PI4KA: variants seen among roughly 807,000 people sequenced by gnomAD.
PI4KA encodes the protein phosphatidylinositol 4-kinase alpha.
PI4KA carries 122 observed loss-of-function variants against 271.4 expected under a neutral mutation model. The ratio of observed to expected loss-of-function variants is 0.45; its 90% CI spans 0.39 to 0.52. The LOEUF is 0.52. Among genes scored for constraint, PI4KA ranks in the 20% least tolerant of loss-of-function variants. PI4KA has a pLI of 0.00. For missense variants in PI4KA, 1,969 were observed against 2,769.1 expected, an observed-to-expected ratio of 0.71 and a Z score of 6.48; for synonymous variants, 1,041 against 1,078.8, an observed-to-expected ratio of 0.96 and a Z score of 0.69.
At chr22:20,760,596 A>C (rs1931860605) in intron 23 of PI4KA, among the ~76,000 whole-genome samples, 1 of 152,194 alleles carries the variant, frequency 6.6e-6, no homozygotes, top group Non-Finnish European at 1.5e-5. Flanking sequence ...CACTCACGGG[A>C]CCACTACCCA....
chr22:20,709,454 TC>T, intron 53 of PI4KA, 75 bp from the exon 54 acceptor site: 1 of 754,836 alleles, frequency 1.3e-6, no homozygotes, highest in Non-Finnish European at 2.3e-6. Flanking sequence ...AGGAGGGTCT[TC>T]CATGGGGACG....
At chr22:20,843,989 T>C (rs1569095157) in intron 1 of PI4KA, among the ~76,000 whole-genome samples, 1 of 152,076 alleles carries the variant, frequency 6.6e-6, no homozygotes, top group Non-Finnish European at 1.5e-5. Context: ...ACCTGCCCTA[T>C]CTCCCCTATA....
chr22:20,727,735 G>A, intron 40 of PI4KA, 39 bp downstream of exon 40: 1 of 1,474,572 alleles, frequency 6.8e-7, no homozygotes, highest in Non-Finnish European at 9.5e-7. Context: ...GCTATTTTGT[G>A]CAGTTTGAAC....
intron 42 of PI4KA, among the ~76,000 whole-genome samples, chr22:20,722,311 C>A (rs1305156644): frequency 6.6e-6 from 1 of 152,086 alleles, no homozygotes; most frequent in African/African-American, 2.4e-5. Flanking sequence ...CTCAGCCTCC[C>A]GAGTAGCTGG....
chr22:20,720,722 C>T (rs1433021030), intron 43 of PI4KA, among the ~76,000 whole-genome samples: 2 of 152,120 alleles, frequency 1.3e-5, no homozygotes, highest in African/African-American at 2.4e-5. Flanking sequence ...AGAATCCAGC[C>T]GTCTTCTACA....
intron 36 of PI4KA, among the ~76,000 whole-genome samples, chr22:20,732,477 C>G (rs551057449): frequency 1.1e-4 from 17 of 152,240 alleles, no homozygotes; most frequent in Non-Finnish European, 2.5e-4. Flanking sequence ...TGCAGCCATT[C>G]AGACTCAGCT....
At chr22:20,709,872 C>A (rs756853266) in intron 53 of PI4KA, 36 bp downstream of exon 53, 1 of 1,117,676 alleles carries the variant, frequency 8.9e-7, no homozygotes. Flanking sequence ...GGACAACTGT[C>A]CCCCAGATGG....
At chr22:20,762,302 G>A (rs1365466573) in intron 22 of PI4KA, among the ~76,000 whole-genome samples, 6 of 152,166 alleles carry the variant, frequency 3.9e-5, no homozygotes, top group African/African-American at 1.4e-4. Flanking sequence ...GCATTCGAGT[G>A]TGCACGTGCA....
intron 19 of PI4KA, among the ~76,000 whole-genome samples, chr22:20,770,986 C>G (rs1385305961): frequency 6.6e-6 from 1 of 152,108 alleles, no homozygotes. Context: ...TCAAGACCAA[C>G]TTGGCCAACA....
chr22:20,760,626 C>A (rs1239085547), intron 23 of PI4KA, among the ~76,000 whole-genome samples: 1 of 152,192 alleles, frequency 6.6e-6, no homozygotes, highest in African/African-American at 2.4e-5. Context: ...GAGGACACTT[C>A]CATCAATCCA....
chr22:20,761,261 T>C (rs748595009), intron 23 of PI4KA, 43 bp downstream of exon 23: 8 of 1,157,602 alleles, frequency 6.9e-6, no homozygotes, highest in Non-Finnish European at 1.0e-5. Context: ...TTTACCCTAT[T>C]AAAGCTCAAT....
intron 7 of PI4KA, among the ~76,000 whole-genome samples, chr22:20,816,798 C>T (rs1249032703): frequency 3.3e-5 from 5 of 152,152 alleles, no homozygotes; most frequent in Admixed American, 2.0e-4. Flanking sequence ...TGGAGTGATA[C>T]GTGGGGATCT....
At chr22:20,708,353 C>T (rs184531996) in intron 54 of PI4KA, among the ~76,000 whole-genome samples, 127 of 152,142 alleles carry the variant, frequency 8.3e-4, no homozygotes, top group African/African-American at 2.8e-3. Context: ...CCATGGGACT[C>T]GGGCCCCTTG....
Position 20,846,127 on chromosome 22 carries a change from G to C in PI4KA, c.157-7396C>G, listed in dbSNP as rs1427213307. On this transcript the variant is annotated intron_variant, in intron 1 of 54. Transcript: ENST00000255882. The stretch of plus-strand genomic sequence containing the variant: ...AAATACAAAAAAATTAGGCAGGCTT[G>C]GTGGCGGGTGCCTGTAGTCCCAGCT... 2.0e-5 allele frequency among the ~76,000 whole-genome samples: 3 copies of C among 151,954 alleles called. No homozygotes were observed. The East Asian group carries it at 5.8e-4, about 30-fold the overall frequency.
intron 48 of PI4KA, 133 bp downstream of exon 48, chr22:20,713,148 C>T (rs1925533869): frequency 5.3e-6 from 4 of 760,742 alleles, no homozygotes; most frequent in African/African-American, 1.7e-5. Context: ...TAATTTACCC[C>T]GTGGCACCTG....
At chr22:20,758,510 T>C (rs2147363363) in intron 23 of PI4KA, among the ~76,000 whole-genome samples, 1 of 151,398 alleles carries the variant, frequency 6.6e-6, no homozygotes, top group African/African-American at 2.4e-5. Flanking sequence ...TAGTATGTTT[T>C]ATGTGTGGCC....
chr22:20,858,707 G>C lies in PI4KA; in HGVS notation c.19C>G (p.Arg7Gly), dbSNP rs1927988721. MAAAPARGGGGGGGGGG... is the reference protein window; with the variant it reads MAAAPAGGGGGGGGGGG... The stretch of plus-strand genomic sequence containing the variant: ...CCTCCGCCTCCGCCTCCGCCTCCCC[G>C]GGCCGGGGCCGCCGCCATCACCTCA... The change falls in exon 1 of 55, where the codon CGG becomes GGG. Residue 7 changes from arginine (R) to glycine (G), a missense_variant. Coordinates refer to ENST00000255882, the MANE Select transcript of PI4KA (RefSeq NM_058004.4). 2 of 1,443,382 alleles carry C rather than the reference G, an allele frequency of 1.4e-6. No individual in the cohort carries two copies. The highest frequency in any genetic ancestry group is 1.8e-6 in the Non-Finnish European group (2 of 1,105,926). 89.4% of individuals were successfully genotyped at this position (1,443,382 alleles called of 1,614,324 possible).
In PI4KA at chr22:20,799,141, G is replaced by C. The variant is rs370911064; in HGVS notation, c.1956C>G (p.Leu652=). The change falls in exon 16 of 55, where the codon CTC becomes CTG. Residue 652 remains leucine, a synonymous_variant. Coordinates refer to ENST00000255882, the MANE Select transcript of PI4KA (RefSeq NM_058004.4). Reference sequence around the variant, plus strand: ...CCAGCTGGTCAATAATCAGCACATCGAGGGGGGAGGGTGGCTGGCAGAATT... The same window carrying C: ...CCAGCTGGTCAATAATCAGCACATCCAGGGGGGAGGGTGGCTGGCAGAATT... ...QQKFCQPPSP[L]DVLIIDQLGC... 1.2e-6 allele frequency: 2 copies of C among 1,613,206 alleles called. No individual in the cohort carries two copies. The highest frequency in any genetic ancestry group is 1.3e-5 in the African/African-American group (1 of 74,962).
Position 20,804,974 on chromosome 22 carries a change from C to T in PI4KA, c.1360G>A (p.Gly454Ser). The T allele has an allele frequency of 6.2e-7, 1 of 1,609,806 alleles. No homozygotes were observed. The highest frequency in any genetic ancestry group is 8.5e-7 in the Non-Finnish European group (1 of 1,177,200). ...TGAGAGGCAAGGCAGTCTGTCTCACCCTGCTCGTCCTTCACAGCCCACACC... is the reference window on the plus strand; with the variant it reads ...TGAGAGGCAAGGCAGTCTGTCTCACTCTGCTCGTCCTTCACAGCCCACACC... ...LMVWAVKDEQ[G>S]AENLCIKLSE... is the part of the protein sequence containing the mutation. The change falls in exon 11 of 55, where the codon GGT becomes AGT. Residue 454 changes from glycine (G) to serine (S), a missense_variant and splice_region_variant. By Grantham distance (56) the Gly-to-Ser change is moderately conservative. Transcript: ENST00000255882.
Sources: allele counts gnomAD v4.1 joint callset (sites outside exome capture counted in the v4.1 genomes callset), GRCh38; gene constraint gnomAD v4.1.1; transcripts MANE v1.5; gene names NCBI Gene and HGNC (gene_info 2026-07-23, HGNC 2026-07-21).